The following RP1L1 variants were observed in gnomAD, a reference collection of about 807,000 sequenced individuals.
The protein encoded by RP1L1 is retinitis pigmentosa 1-like 1 protein.
Under a neutral mutation model 15.7 loss-of-function variants are expected in RP1L1, and 27 were observed. That is an observed-to-expected ratio of 1.72 (90% CI 1.27 to 2.38). The LOEUF (loss-of-function observed/expected upper bound fraction) is 2.38. Ranked by LOEUF, RP1L1 falls within the 30% of genes most tolerant of loss-of-function variation. The pLI is 0.00. For synonymous variants in RP1L1, 1,813 were observed against 1,276.7 expected, an observed-to-expected ratio of 1.42 and a Z score of -8.96; for missense variants, 4,798 against 3,075.9, an observed-to-expected ratio of 1.56 and a Z score of -13.24.
intron 2 of RP1L1, among the ~76,000 whole-genome samples, chr8:10,617,346 G>T (rs1293186525): frequency 7.2e-6 from 1 of 138,758 alleles, no homozygotes; most frequent in East Asian, 2.1e-4. Context: ...CATCTTTAAA[G>T]CACAGAGCAT....
At chr8:10,633,024 G>T (rs764017981) in intron 1 of RP1L1, among the ~76,000 whole-genome samples, 4 of 152,182 alleles carry the variant, frequency 2.6e-5, no homozygotes, top group East Asian at 1.9e-4. Flanking sequence ...GAAAGTGAGG[G>T]TCTGCACCAT....
At chr8:10,627,562 G>A (rs1470325692) in intron 1 of RP1L1, among the ~76,000 whole-genome samples, 1 of 151,826 alleles carries the variant, frequency 6.6e-6, no homozygotes, top group African/African-American at 2.4e-5. Context: ...GATGGTGGTC[G>A]CACACCAACG....
intron 1 of RP1L1, among the ~76,000 whole-genome samples, chr8:10,654,105 A>G (rs1046340453): frequency 6.6e-6 from 1 of 152,178 alleles, no homozygotes; most frequent in Non-Finnish European, 1.5e-5. Context: ...GGTCTGGGCC[A>G]TGGATCTCTG....
At chr8:10,631,409 A>G (rs28528883) in intron 1 of RP1L1, among the ~76,000 whole-genome samples, 2 of 149,618 alleles carry the variant, frequency 1.3e-5, no homozygotes, top group South Asian at 2.1e-4. Context: ...ACACACACGC[A>G]CACACGCACA....
intron 1 of RP1L1, among the ~76,000 whole-genome samples, chr8:10,646,781 G>C (rs924966128): frequency 6.6e-6 from 1 of 152,310 alleles, no homozygotes; most frequent in Middle Eastern, 3.4e-3. Flanking sequence ...TCTGCTCCAC[G>C]CCCTCCTTAC....
rs748984657 is a variant in RP1L1 at position 10,623,146 on chromosome 8, G to T, written c.56C>A (p.Pro19His). The stretch of plus-strand genomic sequence containing the variant: ...GACCGAGGGGGTGCGAGCCACAGAG[G>T]GCAGGAAGCACTCACGGTGGCTCGG... ...QAPSHRECFLPSVARTPSVTK... is the reference protein window; with the variant it reads ...QAPSHRECFLHSVARTPSVTK... Residue 19 changes from proline to histidine, a missense_variant, in exon 2 of 4, where the codon CCC becomes CAC. Physicochemically the swap from Pro to His is moderately conservative, Grantham distance 77 (BLOSUM62 -2). Transcript: ENST00000382483. 6.2e-6 allele frequency: 10 copies of T among 1,603,022 alleles called. No individual in the cohort carries two copies. The East Asian group carries it at 2.2e-4, about 36-fold the overall frequency.
Position 10,613,083 on chromosome 8 carries a change from A to G in RP1L1, c.1015T>C (p.Trp339Arg), listed in dbSNP as rs765975142. Residue 339 changes from tryptophan to arginine, a missense_variant, in exon 4 of 4, where the codon TGG becomes CGG. By Grantham distance (101) the Trp-to-Arg change is moderately radical. Coordinates refer to ENST00000382483, the MANE Select transcript of RP1L1 (RefSeq NM_178857.6). ...FHLVGEDTLL[W>R]SRRMGRASAL... ...CTGGCCCTGCCCATCCTCCGGGACC[A>G]TAGGAGCGTGTCCTCGCCGACCAGG... 2 of 1,613,792 alleles carry G rather than the reference A, an allele frequency of 1.2e-6. No individual in the cohort carries two copies. The highest frequency in any genetic ancestry group is 1.7e-5 in the Admixed American group (1 of 60,038).
chr8:10,628,927 C>T (rs930953214), intron 1 of RP1L1, among the ~76,000 whole-genome samples: 1 of 152,244 alleles, frequency 6.6e-6, no homozygotes, highest in Admixed American at 6.5e-5. Context: ...ATGAGATGGC[C>T]TGGATTTGCA....
At position 10,607,672 on chromosome 8, in the gene RP1L1, C is replaced by A. The variant is rs1167097597; in HGVS notation, c.6426G>T (p.Gln2142His). The change falls in exon 4 of 4, where the codon CAG becomes CAT. Residue 2142 changes from glutamine to histidine, a missense_variant. Gln to His is a conservative substitution (Grantham distance 24). Coordinates refer to ENST00000382483, the MANE Select transcript of RP1L1 (RefSeq NM_178857.6). Reference sequence around the variant, plus strand: ...GGGCCTCTACACCTTCTGACTCAGGCTGGGCCTCCCCTTCAGCCTCTGGGG... The same window carrying A: ...GGGCCTCTACACCTTCTGACTCAGGATGGGCCTCCCCTTCAGCCTCTGGGG... ...IEAPEAEGEA[Q>H]PESEGVEAQD... 1 of 1,587,698 alleles carries A rather than the reference C, an allele frequency of 6.3e-7. No individual in the cohort carries two copies. The highest frequency in any genetic ancestry group is 1.4e-5 in the African/African-American group (1 of 72,450).
intron 1 of RP1L1, among the ~76,000 whole-genome samples, chr8:10,640,609 C>T (rs1208602932): frequency 3.3e-5 from 5 of 151,520 alleles, no homozygotes; most frequent in Non-Finnish European, 7.4e-5. Context: ...GCCAAGATCA[C>T]GCCACTGCAC....
chr8:10,632,980 G>A (rs1033212167), intron 1 of RP1L1, among the ~76,000 whole-genome samples: 19 of 152,162 alleles, frequency 1.2e-4, no homozygotes, highest in African/African-American at 3.1e-4. Context: ...CACTGCTGGG[G>A]GCAGAGGAGC....
chr8:10,606,636 T>A lies in RP1L1; in HGVS notation c.*259A>T. 1.8e-6 allele frequency: 1 copy of A among 547,194 alleles called. No individual in the cohort carries two copies. The highest frequency in any genetic ancestry group is 3.2e-6 in the Non-Finnish European group (1 of 312,408). 33.9% of individuals were successfully genotyped at this position (547,194 alleles called of 1,614,324 possible). A position where few individuals can be genotyped will look rare whatever the true frequency, so the allele number is the denominator to read the frequency against. On this transcript the variant is annotated 3_prime_UTR_variant, in exon 4 of 4. Transcript: ENST00000382483. ...GCAGACAAATAAATAGGAGCCGGGC[T>A]GACCTCCGATAACCGGGCAGATCCG...
chr8:10,634,284 C>T (rs543259698), intron 1 of RP1L1, among the ~76,000 whole-genome samples: 3 of 152,268 alleles, frequency 2.0e-5, no homozygotes, highest in South Asian at 2.1e-4. Context: ...TCTGAATATG[C>T]GCTCTCCCAG....
intron 3 of RP1L1, among the ~76,000 whole-genome samples, chr8:10,613,677 C>A (rs1469650084): frequency 6.6e-6 from 1 of 151,240 alleles, no homozygotes; most frequent in Non-Finnish European, 1.5e-5. Flanking sequence ...TCCCAGCTTC[C>A]TAGCTACTCG....
rs775871211 is a variant in RP1L1, at chr8:10,612,286, C to T, written c.1812G>A (p.Ala604=). The T allele has an allele frequency of 2.4e-5, 38 of 1,613,152 alleles. No homozygotes were observed. Among genetic ancestry groups the T allele is most frequent in the South Asian group, 1.6e-4 (15 of 91,094 alleles). ...GAACCAGAGGCTCCCTTGTCACAGCCGCTCCCGTGGCCTGCTCGGTGCCCT... is the reference window on the plus strand; with the variant it reads ...GAACCAGAGGCTCCCTTGTCACAGCTGCTCCCGTGGCCTGCTCGGTGCCCT... The part of the protein sequence containing the change: ...QGQGTEQATG[A]AVTREPLVLG... Residue 604 remains alanine (A), a synonymous_variant, in exon 4 of 4, where the codon GCG becomes GCA. Coordinates refer to ENST00000382483, the MANE Select transcript of RP1L1 (RefSeq NM_178857.6).
chr8:10,631,301 G>A (rs367874347), intron 1 of RP1L1, among the ~76,000 whole-genome samples: 23 of 83,002 alleles, frequency 2.8e-4, no homozygotes, highest in East Asian at 7.6e-4. Context: ...ACACAAACAC[G>A]CATGCACACA....
Position 10,608,730 on chromosome 8 carries a change from C to T in RP1L1, c.5368G>A (p.Ala1790Thr). ...CTTATGCCCTCTCCCTCCTGCTCAG[C>T]TTCCCCCAACTCACTGCCCGCACTG... ...ETSAGSELGE[A>T]EQEGEGISER... Residue 1790 changes from alanine (A) to threonine (T), a missense_variant, in exon 4 of 4, where the codon GCT becomes ACT. Ala to Thr is a moderately conservative substitution (Grantham distance 58). Transcript: ENST00000382483. 6.2e-7 allele frequency: 1 copy of T among 1,614,262 alleles called. No individual in the cohort carries two copies. Among genetic ancestry groups the T allele is most frequent in the Non-Finnish European group, 8.5e-7 (1 of 1,180,060 alleles).
chr8:10,621,407 C>G (rs1373517257), intron 2 of RP1L1: 1 of 269,714 alleles, frequency 3.7e-6, no homozygotes. Flanking sequence ...CTCACTGCAG[C>G]CTCTGCCTCC....
chr8:10,638,538 G>A (rs189113912), intron 1 of RP1L1, among the ~76,000 whole-genome samples: 1 of 152,164 alleles, frequency 6.6e-6, no homozygotes, highest in East Asian at 1.9e-4. Context: ...GAGTCCGGCA[G>A]TTCAAATGTA....
Sources: gnomAD v4.1 joint callset for allele counts (sites outside exome capture counted in the v4.1 genomes callset) on GRCh38, gnomAD v4.1.1 for gene constraint, MANE v1.5 for transcripts, NCBI Gene and HGNC (gene_info 2026-07-23, HGNC 2026-07-21) for gene names.